Variants in NKD1 observed in about 807,000 individuals in gnomAD.
NKD1 encodes the protein NKD inhibitor of Wnt signaling pathway 1, also known as protein naked cuticle homolog 1.
In NKD1, 21 loss-of-function variants were observed where a neutral mutation model predicts 56.0. The ratio of observed to expected loss-of-function variants is 0.38; its 90% CI spans 0.27 to 0.54. The LOEUF is 0.54. NKD1 is among the 20% of genes least tolerant of loss of function. NKD1 has a pLI of 0.82. For missense variants in NKD1, 578 were observed against 642.7 expected, an observed-to-expected ratio of 0.90 and a Z score of 1.09; for synonymous variants, 263 against 265.7, an observed-to-expected ratio of 0.99 and a Z score of 0.10.
chr16:50,562,684 T>G (rs979580843), intron 3 of NKD1, among the ~76,000 whole-genome samples: 2 of 152,054 alleles, frequency 1.3e-5, no homozygotes, highest in Non-Finnish European at 2.9e-5. Flanking sequence ...AGAACCTTTC[T>G]GTACTAGGCA....
intron 3 of NKD1, among the ~76,000 whole-genome samples, chr16:50,599,045 A>G (rs1961539173): frequency 6.6e-6 from 1 of 152,114 alleles, no homozygotes; most frequent in South Asian, 2.1e-4. Flanking sequence ...AGAGACTCCG[A>G]CAAGCGCTGA....
intron 3 of NKD1, among the ~76,000 whole-genome samples, chr16:50,583,272 G>T (rs1318586410): frequency 1.3e-5 from 2 of 152,290 alleles, no homozygotes; most frequent in Middle Eastern, 3.4e-3. Context: ...GCCCCAAGCT[G>T]CCCTATGAGA....
chr16:50,559,186 T>C (rs959385303), intron 3 of NKD1, among the ~76,000 whole-genome samples: 1 of 152,148 alleles, frequency 6.6e-6, no homozygotes, highest in African/African-American at 2.4e-5. Flanking sequence ...ATGGGTTCAT[T>C]TCAGCAAGTT....
At chr16:50,583,152 T>A (rs915613076) in intron 3 of NKD1, among the ~76,000 whole-genome samples, 55 of 151,904 alleles carry the variant, frequency 3.6e-4, no homozygotes, top group Non-Finnish European at 7.7e-4. Context: ...AGAGGTAGAG[T>A]TTACTCCCCA....
At chr16:50,586,064 T>TCAC (rs2151270509) in intron 3 of NKD1, among the ~76,000 whole-genome samples, 1 of 152,148 alleles carries the variant, frequency 6.6e-6, no homozygotes, top group South Asian at 2.1e-4. Context: ...GGTCTTAGAT[T>TCAC]CACCCTCCAC....
At chr16:50,597,205 G>C (rs544963750) in intron 3 of NKD1, among the ~76,000 whole-genome samples, 2 of 152,208 alleles carry the variant, frequency 1.3e-5, no homozygotes, top group South Asian at 2.1e-4. Context: ...GTGTTTTGAG[G>C]GAGAGCCAAC....
intron 4 of NKD1, among the ~76,000 whole-genome samples, chr16:50,614,536 C>T (rs907833928): frequency 6.6e-6 from 1 of 152,196 alleles, no homozygotes; most frequent in Non-Finnish European, 1.5e-5. Context: ...CCTATGAGCA[C>T]AGCCCTGTCA....
Position 50,647,902 on chromosome 16 carries a change from G to A in NKD1, c.*14121G>A, listed in dbSNP as rs1962709985. 6.6e-6 allele frequency: 1 copy of A among 152,202 alleles called. No individual in the cohort carries two copies. The highest frequency in any genetic ancestry group is 2.4e-5 in the African/African-American group (1 of 41,438). 9.4% of individuals were successfully genotyped at this position (152,202 alleles called of 1,614,324 possible). ...TTTGGACATTTCCTGAGAATCCATG[G>A]GGGAACCATTCAGGGTTTGGGGCAG... On this transcript the variant is annotated 3_prime_UTR_variant, in exon 10 of 10. Coordinates refer to ENST00000268459, the MANE Select transcript of NKD1 (RefSeq NM_033119.5).
chr16:50,582,894 C>T (rs1007379546), intron 3 of NKD1, among the ~76,000 whole-genome samples: 4 of 152,188 alleles, frequency 2.6e-5, no homozygotes, highest in Non-Finnish European at 5.9e-5. Flanking sequence ...ATAATCCCAG[C>T]TACTTGGGAG....
chr16:50,609,961 C>G (rs113570390), intron 4 of NKD1, among the ~76,000 whole-genome samples: 23 of 152,330 alleles, frequency 1.5e-4, no homozygotes, highest in African/African-American at 5.5e-4. Flanking sequence ...GAGGCCTAGA[C>G]AGATGATAAC....
chr16:50,604,485 C>G (rs530269250), intron 3 of NKD1, among the ~76,000 whole-genome samples: 128 of 152,320 alleles, frequency 8.4e-4, no homozygotes, highest in Admixed American at 1.7e-3. Context: ...AACTACTGAC[C>G]TAATGAACCC....
intron 4 of NKD1, among the ~76,000 whole-genome samples, chr16:50,621,363 G>T (rs571282168): frequency 4.9e-4 from 75 of 152,318 alleles, no homozygotes; most frequent in African/African-American, 1.7e-3. Flanking sequence ...AGGCTGGTGG[G>T]GGCCTGAGGG....
rs1352744311 is a variant in NKD1 at position 50,608,305 on chromosome 16, C to T, written c.204C>T (p.Gly68=). 13 of 1,612,568 alleles carry T rather than the reference C, an allele frequency of 8.1e-6. No individual in the cohort carries two copies. The highest frequency in any genetic ancestry group is 2.2e-5 in the East Asian group (1 of 44,884). Residue 68 remains glycine (G), a synonymous_variant, in exon 4 of 10, where the codon GGC becomes GGT. Transcript: ENST00000268459. ...TIGRSTRELV[G]DVLRDTLSEE... is the part of the protein sequence containing the mutation. ...CTGTCTTCTTGTAGGAGCTCGTGGG[C>T]GACGTGTTGAGAGACACGCTCAGCG... is the stretch of plus-strand genomic sequence containing the variant.
chr16:50,607,065 A>T, intron 3 of NKD1: 1 of 456,916 alleles, frequency 2.2e-6, no homozygotes. Context: ...GACTCGAGGA[A>T]TAAAGTAGCC....
In NKD1 at chr16:50,633,521, G is replaced by A; in HGVS notation, c.1153G>A (p.Ala385Thr). Residue 385 changes from alanine to threonine, a missense_variant, in exon 10 of 10, where the codon GCT becomes ACT. Ala to Thr is a moderately conservative substitution (Grantham distance 58). Coordinates refer to ENST00000268459, the MANE Select transcript of NKD1 (RefSeq NM_033119.5). The surrounding 1 kb of genome is among the most constrained non-coding windows in gnomAD (Gnocchi z 4.9). The part of the protein sequence containing the change: ...IPAVSPSAHL[A>T]ASPALLPSLA... ...TGCGGTGTCCCCCTCCGCCCACCTG[G>A]CTGCCAGCCCGGCCCTCCTCCCCTC... 1.2e-6 allele frequency: 2 copies of A among 1,610,728 alleles called. No individual in the cohort carries two copies. The highest frequency in any genetic ancestry group is 1.7e-6 in the Non-Finnish European group (2 of 1,178,968).
intron 4 of NKD1, chr16:50,613,453 C>G (rs1338784473): frequency 6.6e-6 from 1 of 152,160 alleles, no homozygotes; most frequent in Non-Finnish European, 1.5e-5. Flanking sequence ...GGGCAGGTGC[C>G]CATGCCCCGC....
chr16:50,597,151 T>G (rs1377186587), intron 3 of NKD1, among the ~76,000 whole-genome samples: 1 of 152,158 alleles, frequency 6.6e-6, no homozygotes, highest in African/African-American at 2.4e-5. Flanking sequence ...TGGCCTGGAA[T>G]GCGTGGCAGA....
In NKD1 at chr16:50,621,718, C is replaced by T. The variant is rs770448978; in HGVS notation, c.366+10C>T. On this transcript the variant is annotated intron_variant, in intron 5 of 9. Transcript: ENST00000268459. ...GCAGCTGAAGTTTGAAGTAAGTTTC[C>T]TTTTGGTGCTGGGTCCTGAGGAGAT... 1.9e-6 allele frequency: 3 copies of T among 1,605,678 alleles called. No homozygotes were observed. The highest frequency in any genetic ancestry group is 1.7e-5 in the Admixed American group (1 of 59,622).
chr16:50,621,609 G>A lies in NKD1; in HGVS notation c.267G>A (p.Leu89=). Residue 89 remains leucine (L), a synonymous_variant, in exon 5 of 10, where the codon CTG becomes CTA. Transcript: ENST00000268459. ...EEDDFRLEVA[L]PPEKTDGLGS... ...CGCCTGCCTCCCCGACAGTGGCCCTGCCTCCTGAGAAGACTGACGGGCTGG... is the reference window on the plus strand; with the variant it reads ...CGCCTGCCTCCCCGACAGTGGCCCTACCTCCTGAGAAGACTGACGGGCTGG... 6.2e-7 allele frequency: 1 copy of A among 1,613,420 alleles called. No individual in the cohort carries two copies. Among genetic ancestry groups the A allele is most frequent in the Non-Finnish European group, 8.5e-7 (1 of 1,179,538 alleles).
Sources: allele counts gnomAD v4.1 joint callset (sites outside exome capture counted in the v4.1 genomes callset), GRCh38; gene constraint gnomAD v4.1.1; non-coding constraint Gnocchi (gnomAD v3.1); transcripts MANE v1.5; gene names NCBI Gene and HGNC (gene_info 2026-07-23, HGNC 2026-07-21).